The following ITGB2 variants were observed in gnomAD, a reference collection of about 807,000 sequenced individuals.
The protein encoded by ITGB2 is integrin subunit beta 2.
Under a neutral mutation model 86.8 loss-of-function variants are expected in ITGB2, and 56 were observed. That is an observed-to-expected ratio of 0.65 (90% CI 0.52 to 0.81). ITGB2 has a LOEUF of 0.81. ITGB2 is among the 30% of genes least tolerant of loss of function. ITGB2 has a pLI of 0.00. For missense variants in ITGB2, 948 were observed against 1,061.2 expected, an observed-to-expected ratio of 0.89 and a Z score of 1.48; for synonymous variants, 457 against 450.4, an observed-to-expected ratio of 1.01 and a Z score of -0.19.
At chr21:44,888,608 C>T in intron 14 of ITGB2, 85 bp downstream of exon 14, 2 of 1,462,516 alleles carry the variant, frequency 1.4e-6, no homozygotes, top group Non-Finnish European at 1.9e-6. Flanking sequence ...GAGGTGAGAT[C>T]CTCCTTCCGC....
chr21:44,903,647 A>G, intron 4 of ITGB2, 112 bp from the exon 5 acceptor site: 2 of 1,274,660 alleles, frequency 1.6e-6, no homozygotes, highest in Non-Finnish European at 2.2e-6. Context: ...CCAGCCCCCA[A>G]ATCCTCCTGA....
At chr21:44,890,284 G>A (rs543439896) in intron 11 of ITGB2, 62 bp from the exon 12 acceptor site, 142 of 1,600,682 alleles carry the variant, frequency 8.9e-5, no homozygotes, top group Middle Eastern at 5.0e-4. Context: ...AGGGACAGCC[G>A]CCCTGTCCTC....
chr21:44,893,661 G>T, intron 9 of ITGB2, 117 bp from the exon 10 acceptor site: 1 of 1,337,038 alleles, frequency 7.5e-7, no homozygotes, highest in Non-Finnish European at 1.1e-6. Flanking sequence ...CCCAGTGTCA[G>T]CTAATGACAC....
At chr21:44,888,658 T>G in intron 14 of ITGB2, 35 bp downstream of exon 14, 1 of 1,599,182 alleles carries the variant, frequency 6.3e-7, no homozygotes, top group Non-Finnish European at 8.5e-7. Context: ...GCCGGAGCTC[T>G]GGAGCCGGTC....
At chr21:44,896,020 G>A (rs1601294781) in intron 8 of ITGB2, among the ~76,000 whole-genome samples, 1 of 151,552 alleles carries the variant, frequency 6.6e-6, no homozygotes, top group South Asian at 2.1e-4. Context: ...TGCGGTGTGA[G>A]TGATCCCGCC....
At chr21:44,889,243 C>CCT in intron 13 of ITGB2, 33 bp downstream of exon 13, 1 of 1,601,940 alleles carries the variant, frequency 6.2e-7, no homozygotes, top group Non-Finnish European at 8.5e-7. Flanking sequence ...AGTGGGGATC[C>CCT]CTGCCCGCCC....
intron 1 of ITGB2, among the ~76,000 whole-genome samples, chr21:44,917,797 C>T (rs984193778): frequency 2.6e-5 from 4 of 152,320 alleles, no homozygotes; most frequent in Admixed American, 2.0e-4. Context: ...GTGTCCCCAG[C>T]GAGGCTGTTT....
intron 8 of ITGB2, among the ~76,000 whole-genome samples, chr21:44,896,816 C>G (rs528470077): frequency 6.6e-6 from 1 of 152,364 alleles, no homozygotes; most frequent in African/African-American, 2.4e-5. Flanking sequence ...GGCTTGTGTG[C>G]CCCAAGGCTC....
intron 11 of ITGB2, among the ~76,000 whole-genome samples, chr21:44,890,754 G>T (rs34675004): frequency 0.2 from 29,723 of 152,098 alleles, 3,065 homozygotes; most frequent in Middle Eastern, 0.34. Context: ...CCTCAGAGAC[G>T]GCACTGCCAC....
At chr21:44,886,509 G>A (rs879927638) in intron 15 of ITGB2, 79 bp from the exon 16 acceptor site, 38 of 1,496,580 alleles carry the variant, frequency 2.5e-5, no homozygotes, top group South Asian at 1.9e-4. Flanking sequence ...GACACTCCCC[G>A]CATGGAAGCC....
At chr21:44,915,915 A>G (rs1003425101) in intron 1 of ITGB2, among the ~76,000 whole-genome samples, 4 of 152,024 alleles carry the variant, frequency 2.6e-5, no homozygotes, top group South Asian at 2.1e-4. Flanking sequence ...TTGATAGCAC[A>G]GTTTTGTTTG....
intron 1 of ITGB2, chr21:44,911,012 G>A: frequency 1.7e-6 from 1 of 585,054 alleles, no homozygotes; most frequent in Non-Finnish European, 3.1e-6. Context: ...GCTCAGCCAG[G>A]CACCCAGGAC....
At chr21:44,919,604 C>T (rs953099035) in intron 1 of ITGB2, among the ~76,000 whole-genome samples, 3 of 152,190 alleles carry the variant, frequency 2.0e-5, no homozygotes, top group Non-Finnish European at 2.9e-5. Context: ...CCCCCAAACC[C>T]GCAGGCGTTG....
chr21:44,892,431 C>G (rs1025705997), intron 10 of ITGB2, among the ~76,000 whole-genome samples: 1 of 152,092 alleles, frequency 6.6e-6, no homozygotes, highest in Non-Finnish European at 1.5e-5. Flanking sequence ...ACCAGCCTGG[C>G]CAACATGGCG....
At position 44,886,197 on chromosome 21, in the gene ITGB2, C is replaced by T. The variant is rs6570; in HGVS notation, c.*171G>A. ...GCCAGTCAGAGTGGAGCTGTCCCCCCGACGAGCCCCCAGAAGCACCCGGCC... is the reference window on the plus strand; with the variant it reads ...GCCAGTCAGAGTGGAGCTGTCCCCCTGACGAGCCCCCAGAAGCACCCGGCC... On this transcript the variant is annotated 3_prime_UTR_variant, in exon 16 of 16. Transcript: ENST00000652462. The T allele has an allele frequency of 2.5e-5, 17 of 675,296 alleles. No individual in the cohort carries two copies. The highest frequency in any genetic ancestry group is 4.0e-5 in the Non-Finnish European group (15 of 372,554). The allele number at this position is 675,296 out of a possible 1,614,324, so 41.8% of individuals were successfully genotyped here.
rs775531955 is a variant in ITGB2, at chr21:44,891,935, C to G, written c.1286G>C (p.Arg429Pro). 3.7e-6 allele frequency: 6 copies of G among 1,613,418 alleles called. No homozygotes were observed. The highest frequency in any genetic ancestry group is 4.2e-6 in the Non-Finnish European group (5 of 1,179,994). The change falls in exon 11 of 16, where the codon CGG becomes CCG. Residue 429 changes from arginine to proline, a missense_variant. Coordinates refer to ENST00000652462, the MANE Select transcript of ITGB2 (RefSeq NM_000211.5). Reference sequence around the variant, plus strand: ...CACTATGTCCGTGAAGCCCAGCGCCCGGATGACAAACGACTGCTCCTGGAT... The same window carrying G: ...CACTATGTCCGTGAAGCCCAGCGCCGGGATGACAAACGACTGCTCCTGGAT... ...ECIQEQSFVIRALGFTDIVTV... is the reference protein window; with the variant it reads ...ECIQEQSFVIPALGFTDIVTV...
Position 44,907,080 on chromosome 21 carries a change from C to G in ITGB2, c.163G>C (p.Gly55Arg), listed in dbSNP as rs778653538. The change falls in exon 4 of 16, where the codon GGG becomes CGG. Residue 55 changes from glycine to arginine, a missense_variant. Transcript: ENST00000652462. ...WCQKLNFTGP[G>R]DPDSIRCDTR... ...TCGCAGCGAATGGAGTCAGGATCCC[C>G]CGGCCCTGTGAAGTTCTGGGGAGGG... The G allele has an allele frequency of 1.2e-4, 188 of 1,604,060 alleles. No homozygotes were observed. The highest frequency in any genetic ancestry group is 1.4e-4 in the Non-Finnish European group (162 of 1,173,084).
intron 6 of ITGB2, among the ~76,000 whole-genome samples, chr21:44,900,687 C>A (rs377510871): frequency 6.6e-6 from 1 of 152,186 alleles, no homozygotes; most frequent in South Asian, 2.1e-4. Flanking sequence ...ACATGTGAGG[C>A]GCAGGGAGTG....
At chr21:44,907,875 T>G (rs894177463) in intron 3 of ITGB2, 2 of 591,638 alleles carry the variant, frequency 3.4e-6, no homozygotes, top group Admixed American at 2.9e-5. Context: ...GCTCTGACTT[T>G]TGGAACCACA....
Sources: allele counts gnomAD v4.1 joint callset (sites outside exome capture counted in the v4.1 genomes callset), GRCh38; gene constraint gnomAD v4.1.1; transcripts MANE v1.5; gene names NCBI Gene and HGNC (gene_info 2026-07-23, HGNC 2026-07-21).